ERC1: variants seen among roughly 807,000 people sequenced by gnomAD.
ERC1 encodes the protein ELKS/RAB6-interacting/CAST family member 1.
ERC1 carries 56 observed loss-of-function variants against 132.0 expected under a neutral mutation model. The ratio of observed to expected loss-of-function variants is 0.42; its 90% confidence interval spans 0.34 to 0.53. ERC1 has a LOEUF of 0.53. Among genes scored for constraint, ERC1 ranks in the 20% least tolerant of loss-of-function variants. The probability of loss-of-function intolerance (pLI) is 0.03; values close to 1 mark genes in which losing one functional copy is unlikely to be tolerated. For synonymous variants in ERC1, 478 were observed against 476.1 expected (o/e 1.00, Z -0.05); for missense variants, 1,202 against 1,349.9 (o/e 0.89, Z 1.72).
intron 11 of ERC1, among the ~76,000 whole-genome samples, chr12:1,186,488 A>G (rs772871422): frequency 6.6e-6 from 1 of 152,186 alleles, no homozygotes; most frequent in Non-Finnish European, 1.5e-5. Flanking sequence ...TCAGTATTTT[A>G]AGGAGGATTA....
chr12:1,045,185 T>C (rs1471382800), intron 2 of ERC1, among the ~76,000 whole-genome samples: 1 of 152,144 alleles, frequency 6.6e-6, no homozygotes. Flanking sequence ...ACTGTGCTTT[T>C]TAAATTCTTA....
At chr12:1,035,334 C>G (rs1457701114) in intron 2 of ERC1, among the ~76,000 whole-genome samples, 1 of 152,176 alleles carries the variant, frequency 6.6e-6, no homozygotes, top group African/African-American at 2.4e-5. Context: ...AGATCTTGTT[C>G]TAGGATCCTA....
chr12:1,169,414 A>G (rs1952813522), intron 8 of ERC1, among the ~76,000 whole-genome samples: 1 of 152,196 alleles, frequency 6.6e-6, no homozygotes, highest in Admixed American at 6.5e-5. Flanking sequence ...TACTTGGGAC[A>G]ACAGCTTCAG....
intron 18 of ERC1, among the ~76,000 whole-genome samples, chr12:1,448,840 C>G (rs1189605133): frequency 1.3e-5 from 2 of 152,238 alleles, no homozygotes; most frequent in African/African-American, 2.4e-5. Flanking sequence ...CCTCCAGACC[C>G]CAGAACAGTA....
chr12:1,391,950 T>C (rs1277375033), intron 16 of ERC1, among the ~76,000 whole-genome samples: 1 of 152,242 alleles, frequency 6.6e-6, no homozygotes, highest in Non-Finnish European at 1.5e-5. Context: ...CTGCCTTCTC[T>C]CTGCCTTTTT....
chr12:1,118,059 AG>A (rs1249114068), intron 7 of ERC1, among the ~76,000 whole-genome samples: 1 of 152,202 alleles, frequency 6.6e-6, no homozygotes, highest in African/African-American at 2.4e-5. Context: ...GTATCCTTTG[AG>A]TTACAAACAA....
At chr12:1,302,412 T>G (rs1250616875) in intron 15 of ERC1, among the ~76,000 whole-genome samples, 2 of 152,160 alleles carry the variant, frequency 1.3e-5, no homozygotes, top group Admixed American at 6.5e-5. Context: ...AGCTGAACCC[T>G]GAGATTGCAA....
intron 4 of ERC1, among the ~76,000 whole-genome samples, chr12:1,109,024 C>T (rs1945560256): frequency 6.6e-6 from 1 of 152,060 alleles, no homozygotes; most frequent in Non-Finnish European, 1.5e-5. Context: ...TCTAAAACTC[C>T]AAGTGAAATA....
In ERC1 at chr12:1,236,897, A is replaced by G; in HGVS notation, c.2480A>G (p.Gln827Arg). 1.2e-6 allele frequency: 2 copies of G among 1,613,984 alleles called. No homozygotes were observed. The highest frequency in any genetic ancestry group is 1.7e-6 in the Non-Finnish European group (2 of 1,179,878). The part of the protein sequence containing the change: ...REDNLNDSSQ[Q>R]LQDSLRKKDD... ...GACAATCTCAACGACAGCTCTCAGC[A>G]GCTACAGGTTAGAACACAAGGAGAA... The change falls in exon 13 of 19, where the codon CAG becomes CGG. Residue 827 changes from glutamine to arginine, a missense_variant. Coordinates refer to ENST00000360905, the MANE Select transcript of ERC1 (RefSeq NM_178040.4).
At chr12:1,122,547 G>GTCTCTATCTCTATCTCTATCTCTA (rs1295600924) in intron 7 of ERC1, among the ~76,000 whole-genome samples, 1 of 8,944 alleles carries the variant, frequency 1.1e-4, no homozygotes, top group African/African-American at 6.4e-4. Context: ...CTCTATCTGT[G>GTCTCTATCTCTATCTCTATCTCTA]TCTCTATCTC....
intron 14 of ERC1, among the ~76,000 whole-genome samples, chr12:1,265,830 T>C (rs1396067846): frequency 6.6e-6 from 1 of 152,244 alleles, no homozygotes; most frequent in Non-Finnish European, 1.5e-5. Context: ...TCAGATTGGC[T>C]TCTTTCACTC....
intron 12 of ERC1, among the ~76,000 whole-genome samples, chr12:1,229,742 T>G (rs1258471563): frequency 6.6e-6 from 1 of 152,154 alleles, no homozygotes; most frequent in East Asian, 1.9e-4. Context: ...GATTATCTTT[T>G]GACAAACAAC....
chr12:1,001,908 T>A (rs1270681450), intron 1 of ERC1, among the ~76,000 whole-genome samples: 2 of 146,032 alleles, frequency 1.4e-5, no homozygotes, highest in Admixed American at 1.4e-4. Flanking sequence ...TTGCCCAGGC[T>A]GGAGTGCAGT....
intron 18 of ERC1, among the ~76,000 whole-genome samples, chr12:1,465,855 C>A (rs2093732709): frequency 6.6e-6 from 1 of 152,184 alleles, no homozygotes; most frequent in South Asian, 2.1e-4. Flanking sequence ...TCCTGCATGC[C>A]CTGTGAGAAT....
At position 1,400,908 on chromosome 12, in the gene ERC1, A is replaced by ATTTTTTT. The variant is rs2090967822; in HGVS notation, c.2926-7236_2926-7235insTTTTTTT. Reference sequence around the variant, plus strand: ...CTTCTCATTCAATATTGTTTTGGCTATTTTTGTATTTTTTTTTTTTTTTTT... The same window carrying ATTTTTTT: ...CTTCTCATTCAATATTGTTTTGGCTATTTTTTTTTTTTGTATTTTTTTTTTTTTTTTT... On this transcript the variant is annotated intron_variant, in intron 16 of 18. Coordinates refer to ENST00000360905, the MANE Select transcript of ERC1 (RefSeq NM_178040.4). Among the ~76,000 whole-genome samples, 15 of 43,406 alleles carry ATTTTTTT rather than the reference A, an allele frequency of 3.5e-4. 2 individuals are homozygous for ATTTTTTT. The highest frequency in any genetic ancestry group is 5.7e-4 in the Non-Finnish European group (10 of 17,694). 28.5% of individuals were successfully genotyped at this position (43,406 alleles called of 152,430 possible).
At chr12:1,211,726 AT>A (rs570942559) in intron 12 of ERC1, among the ~76,000 whole-genome samples, 369 of 140,604 alleles carry the variant, frequency 2.6e-3, no homozygotes, top group Middle Eastern at 3.8e-3. Context: ...CGCCCAGCTA[AT>A]TTTTTTTTTT....
At chr12:1,160,656 A>G (rs1366095628) in intron 8 of ERC1, among the ~76,000 whole-genome samples, 1 of 152,192 alleles carries the variant, frequency 6.6e-6, no homozygotes, top group Non-Finnish European at 1.5e-5. Flanking sequence ...GGTTGCAGTT[A>G]GCTGAGATCA....
chr12:1,015,652 G>T (rs1965398847), intron 1 of ERC1, among the ~76,000 whole-genome samples: 1 of 152,108 alleles, frequency 6.6e-6, no homozygotes, highest in African/African-American at 2.4e-5. Flanking sequence ...TACCTCAGTG[G>T]GATTTTAAAT....
At chr12:1,267,988 T>TATTTTTTTG (rs2077581213) in intron 14 of ERC1, among the ~76,000 whole-genome samples, 1 of 152,194 alleles carries the variant, frequency 6.6e-6, no homozygotes, top group Non-Finnish European at 1.5e-5. Context: ...AAGGATTACA[T>TATTTTTTTG]ATTTTTTTGT....
Sources: allele counts gnomAD v4.1 joint callset (sites outside exome capture counted in the v4.1 genomes callset), GRCh38; gene constraint gnomAD v4.1.1; transcripts MANE v1.5; gene names NCBI Gene and HGNC (gene_info 2026-07-23, HGNC 2026-07-21).